Variants in CAMK1D observed in about 807,000 individuals in gnomAD.
The protein encoded by CAMK1D is calcium/calmodulin dependent protein kinase ID.
CAMK1D carries 9 observed loss-of-function variants against 47.7 expected under a neutral mutation model. The ratio of observed to expected loss-of-function variants is 0.19; its 90% CI spans 0.11 to 0.33. The LOEUF (loss-of-function observed/expected upper bound fraction) is 0.33. CAMK1D is among the 10% of genes least tolerant of loss of function. CAMK1D has a pLI of 1.00. For synonymous variants in CAMK1D, 184 were observed against 184.9 expected (o/e 0.99, Z 0.04); for missense variants, 291 against 488.7 (o/e 0.60, Z 3.81).
At chr10:12,535,715 G>C (rs12413632) in intron 1 of CAMK1D, among the ~76,000 whole-genome samples, 3,951 of 152,274 alleles carry the variant, frequency 0.026, 113 homozygotes, top group East Asian at 0.071. Context: ...ATTTTGGCTG[G>C]CAGAGTTGAG....
intron 6 of CAMK1D, among the ~76,000 whole-genome samples, chr10:12,801,394 C>CTAT (rs1564572312): frequency 7.3e-4 from 109 of 150,252 alleles, no homozygotes; most frequent in African/African-American, 2.5e-3. Flanking sequence ...ATCTATCTAT[C>CTAT]CATCCATCTG....
At chr10:12,753,500 TATCTA>T (rs1836083294) in intron 3 of CAMK1D, among the ~76,000 whole-genome samples, 1 of 152,236 alleles carries the variant, frequency 6.6e-6, no homozygotes, top group Non-Finnish European at 1.5e-5. Context: ...TATAGAGAGA[TATCTA>T]ATTAATGCAG....
In CAMK1D at chr10:12,831,602, C is replaced by T. The variant is rs1438699248; in HGVS notation, c.*2715C>T. On this transcript the variant is annotated 3_prime_UTR_variant, in exon 11 of 11. Coordinates refer to ENST00000619168, the MANE Select transcript of CAMK1D (RefSeq NM_153498.4). ...AAGGTGAGCCGTGGTGCAGGTGCCCCCCTCGCTGTTCGGGTCAGTTCTTGG... is the reference window on the plus strand; with the variant it reads ...AAGGTGAGCCGTGGTGCAGGTGCCCTCCTCGCTGTTCGGGTCAGTTCTTGG... 6.6e-6 allele frequency: 1 copy of T among 152,184 alleles called. No individual in the cohort carries two copies. The highest frequency in any genetic ancestry group is 2.4e-5 in the African/African-American group (1 of 41,450). The allele number at this position is 152,184 out of a possible 1,614,324, so 9.4% of individuals were successfully genotyped here.
At chr10:12,802,132 A>G (rs186052867) in intron 6 of CAMK1D, among the ~76,000 whole-genome samples, 119 of 152,348 alleles carry the variant, frequency 7.8e-4, no homozygotes, top group African/African-American at 2.8e-3. Flanking sequence ...ATTTTTTCAT[A>G]AAATATTTTA....
chr10:12,553,444 C>G (rs1077744), intron 2 of CAMK1D, 88 bp downstream of exon 2: 20 of 1,161,418 alleles, frequency 1.7e-5, no homozygotes, highest in South Asian at 1.2e-4. Context: ...AGACTTTCCC[C>G]GGGGGCAGAG....
chr10:12,369,102 AC>A (rs1222654616), intron 1 of CAMK1D, among the ~76,000 whole-genome samples: 1 of 152,130 alleles, frequency 6.6e-6, no homozygotes, highest in Admixed American at 6.6e-5. Flanking sequence ...GGTGTGAGCC[AC>A]CACACCCAGC....
chr10:12,405,291 G>A (rs957088243), intron 1 of CAMK1D, among the ~76,000 whole-genome samples: 1 of 152,152 alleles, frequency 6.6e-6, no homozygotes, highest in African/African-American at 2.4e-5. Flanking sequence ...CATGCCCATG[G>A]TCAGAGATGT....
intron 1 of CAMK1D, among the ~76,000 whole-genome samples, chr10:12,358,320 C>G (rs774937687): frequency 6.6e-6 from 1 of 152,052 alleles, no homozygotes; most frequent in Non-Finnish European, 1.5e-5. Context: ...AGTGGATCAC[C>G]TGAGGTCAGG....
At chr10:12,456,023 T>C (rs541927908) in intron 1 of CAMK1D, among the ~76,000 whole-genome samples, 1 of 152,190 alleles carries the variant, frequency 6.6e-6, no homozygotes, top group Admixed American at 6.5e-5. Flanking sequence ...CATGTGAAAG[T>C]ACATTGTTTC....
intron 1 of CAMK1D, among the ~76,000 whole-genome samples, chr10:12,477,961 A>G (rs1368741534): frequency 6.6e-6 from 1 of 151,366 alleles, no homozygotes; most frequent in Non-Finnish European, 1.5e-5. Flanking sequence ...GATGCTGTCC[A>G]TCTGGCTATT....
rs1486348938 is a variant in CAMK1D, at chr10:12,831,696, C to G, written c.*2809C>G. ...GAGGAGACAGTGACTGGTTTCAGCC[C>G]AAGAGTCAACTGTTGAGCATGACAT... On this transcript the variant is annotated 3_prime_UTR_variant, in exon 11 of 11. Coordinates refer to ENST00000619168, the MANE Select transcript of CAMK1D (RefSeq NM_153498.4). The G allele has an allele frequency of 1.3e-5, 2 of 152,168 alleles. No homozygotes were observed. The highest frequency in any genetic ancestry group is 4.8e-5 in the African/African-American group (2 of 41,428). The allele number at this position is 152,168 out of a possible 1,614,324, so 9.4% of individuals were successfully genotyped here.
At chr10:12,351,028 G>T (rs569607913) in intron 1 of CAMK1D, among the ~76,000 whole-genome samples, 2 of 152,112 alleles carry the variant, frequency 1.3e-5, no homozygotes, top group East Asian at 3.9e-4. Flanking sequence ...TTTGTGCTTG[G>T]TTTCTTTTTT....
At chr10:12,440,010 C>T (rs1205875210) in intron 1 of CAMK1D, among the ~76,000 whole-genome samples, 1 of 152,162 alleles carries the variant, frequency 6.6e-6, no homozygotes, top group Non-Finnish European at 1.5e-5. Context: ...GGAAACCACC[C>T]CGTGATTCAG....
chr10:12,485,085 A>G (rs571509181), intron 1 of CAMK1D, among the ~76,000 whole-genome samples: 1 of 152,306 alleles, frequency 6.6e-6, no homozygotes, highest in South Asian at 2.1e-4. Context: ...CACGTCTTGC[A>G]TGTTTTCACC....
chr10:12,722,664 C>T (rs1170994850), intron 3 of CAMK1D, among the ~76,000 whole-genome samples: 4 of 152,088 alleles, frequency 2.6e-5, no homozygotes, highest in Non-Finnish European at 4.4e-5. Flanking sequence ...TCTTCCCCTC[C>T]GGCCTACCAA....
At chr10:12,808,570 G>A (rs1271157478) in intron 6 of CAMK1D, among the ~76,000 whole-genome samples, 1 of 152,188 alleles carries the variant, frequency 6.6e-6, no homozygotes, top group East Asian at 1.9e-4. Context: ...CTGAGGTCAG[G>A]AGTTTGAGAC....
At chr10:12,825,917 G>GT in intron 10 of CAMK1D, 1 of 608,970 alleles carries the variant, frequency 1.6e-6, no homozygotes, top group Non-Finnish European at 2.7e-6. Flanking sequence ...CAGGAGGACT[G>GT]TTTGAGTTCA....
intron 2 of CAMK1D, among the ~76,000 whole-genome samples, chr10:12,629,428 A>G (rs1839314978): frequency 6.6e-6 from 1 of 152,182 alleles, no homozygotes. Flanking sequence ...TAAAAATATA[A>G]TGTGCATCCG....
chr10:12,401,503 A>G (rs1839223268), intron 1 of CAMK1D, among the ~76,000 whole-genome samples: 1 of 150,502 alleles, frequency 6.6e-6, no homozygotes. Context: ...TGCTGGGGGC[A>G]CAAAAACAGC....
Sources: gnomAD v4.1 joint callset for allele counts (sites outside exome capture counted in the v4.1 genomes callset) on GRCh38, gnomAD v4.1.1 for gene constraint, MANE v1.5 for transcripts, NCBI Gene and HGNC (gene_info 2026-07-23, HGNC 2026-07-21) for gene names.